The following PCDH11X variants were observed in gnomAD, a reference collection of about 807,000 sequenced individuals.
The protein encoded by PCDH11X is protocadherin 11 X-linked.
Under a neutral mutation model 53.3 loss-of-function variants are expected in PCDH11X, and 18 were observed. The ratio of observed to expected loss-of-function variants is 0.34; its 90% CI spans 0.23 to 0.50. The LOEUF (loss-of-function observed/expected upper bound fraction) is 0.50. Ranked by LOEUF, PCDH11X falls within the 20% of genes least tolerant of loss-of-function variation. The pLI, the probability that PCDH11X is intolerant of heterozygous loss-of-function variation, is 0.98. For missense variants in PCDH11X, 570 were observed against 1,032.4 expected, an observed-to-expected ratio of 0.55 and a Z score of 6.14; for synonymous variants, 279 against 393.3, an observed-to-expected ratio of 0.71 and a Z score of 3.44.
chrX:92,209,282 C>T (rs2066537033), intron 7 of PCDH11X, among the ~76,000 whole-genome samples: 1 of 111,701 alleles, frequency 9.0e-6, no homozygotes, highest in Non-Finnish European at 1.9e-5. Flanking sequence ...AGGCAAGTCC[C>T]TTCTGACTAT....
chrX:91,942,885 G>A (rs753710646), intron 6 of PCDH11X, among the ~76,000 whole-genome samples: 60 of 108,964 alleles, frequency 5.5e-4, no homozygotes, highest in African/African-American at 1.7e-3. Context: ...TAGGATGCAA[G>A]GATGGTTTAG....
chrX:92,601,516 ATT>A (rs1197351802), intron 10 of PCDH11X, among the ~76,000 whole-genome samples: 2 of 101,892 alleles, frequency 2.0e-5, no homozygotes, highest in African/African-American at 3.8e-5. Context: ...AAAAAAAAAA[ATT>A]AAACATAAAA....
chrX:92,030,843 A>T (rs2525328), intron 6 of PCDH11X, among the ~76,000 whole-genome samples: 30,001 of 100,567 alleles, frequency 0.3, 6,363 homozygotes, highest in African/African-American at 0.61. Context: ...TATGATTGAA[A>T]ATCATTGTGT....
intron 6 of PCDH11X, among the ~76,000 whole-genome samples, chrX:92,109,461 G>A (rs980635778): frequency 9.0e-6 from 1 of 111,031 alleles, no homozygotes; most frequent in African/African-American, 3.3e-5. Flanking sequence ...AATCATAGAG[G>A]GGTCGAAGTG....
At chrX:92,286,225 A>T (rs2068368169) in intron 8 of PCDH11X, among the ~76,000 whole-genome samples, 1 of 107,396 alleles carries the variant, frequency 9.3e-6, no homozygotes, top group African/African-American at 3.4e-5. Context: ...TAAAGCCATC[A>T]CAGCTTTATC....
chrX:92,357,054 T>C (rs1049400244), intron 8 of PCDH11X, among the ~76,000 whole-genome samples: 16 of 110,908 alleles, frequency 1.4e-4, no homozygotes, highest in African/African-American at 4.9e-4. Flanking sequence ...AAAATTCACG[T>C]CTATTCTCAA....
intron 6 of PCDH11X, chrX:92,114,322 A>T (rs1214432057): frequency 3.2e-5 from 32 of 988,179 alleles, no homozygotes; most frequent in Admixed American, 1.8e-4. Context: ...ATAGGCATAG[A>T]TGTCACGGAG....
At chrX:91,897,315 C>A (rs1940786076) in intron 6 of PCDH11X, among the ~76,000 whole-genome samples, 1 of 106,727 alleles carries the variant, frequency 9.4e-6, no homozygotes, top group Admixed American at 1.0e-4. Flanking sequence ...ATTCTAATGT[C>A]CTGCAGTTTG....
At chrX:91,903,923 T>C (rs1354852421) in intron 6 of PCDH11X, among the ~76,000 whole-genome samples, 1 of 109,962 alleles carries the variant, frequency 9.1e-6, no homozygotes, top group Non-Finnish European at 1.9e-5. Context: ...AAGTAGAGTA[T>C]ATTTTCTACA....
At chrX:91,981,950 C>A (rs2147928758) in intron 6 of PCDH11X, among the ~76,000 whole-genome samples, 1 of 106,647 alleles carries the variant, frequency 9.4e-6, no homozygotes, top group Non-Finnish European at 1.9e-5. Flanking sequence ...AACAGAAGTC[C>A]AATTTAGATT....
intron 4 of PCDH11X, among the ~76,000 whole-genome samples, chrX:91,817,156 G>C (rs1303884462): frequency 9.2e-6 from 1 of 109,274 alleles, no homozygotes; most frequent in African/African-American, 3.3e-5. Flanking sequence ...GTTTTATTGG[G>C]ATCATATAAT....
At chrX:92,461,303 A>G (rs1409627010) in intron 9 of PCDH11X, among the ~76,000 whole-genome samples, 1 of 108,483 alleles carries the variant, frequency 9.2e-6, no homozygotes, top group East Asian at 2.9e-4. Flanking sequence ...CCTGACTTCA[A>G]ATTATACTAC....
At chrX:92,054,840 AAAAAGAAAAG>A (rs1556004429) in intron 6 of PCDH11X, among the ~76,000 whole-genome samples, 1 of 104,823 alleles carries the variant, frequency 9.5e-6, no homozygotes, top group Non-Finnish European at 1.9e-5. Flanking sequence ...AAAAAAAAAA[AAAAAGAAAAG>A]AAAAGAAAAG....
At chrX:92,020,117 C>A (rs1273732636) in intron 6 of PCDH11X, among the ~76,000 whole-genome samples, 1 of 112,566 alleles carries the variant, frequency 8.9e-6, no homozygotes, top group Admixed American at 9.4e-5. Flanking sequence ...AGGCCCCAAC[C>A]ACGGAGCTGC....
intron 10 of PCDH11X, among the ~76,000 whole-genome samples, chrX:92,553,585 CT>C (rs991452419): frequency 1.7e-4 from 18 of 108,998 alleles, no homozygotes; most frequent in Admixed American, 4.9e-4. Flanking sequence ...CTATTCTAAT[CT>C]TTTTTTTCTT....
intron 6 of PCDH11X, among the ~76,000 whole-genome samples, chrX:92,033,372 C>CT (rs762430244): frequency 0.17 from 15,157 of 90,020 alleles, 1,409 homozygotes; most frequent in Admixed American, 0.28. Flanking sequence ...GGTCCCAGGC[C>CT]TTTTTTTTTT....
chrX:92,135,252 A>G (rs2065064079), intron 6 of PCDH11X, among the ~76,000 whole-genome samples: 1 of 111,381 alleles, frequency 9.0e-6, no homozygotes, highest in African/African-American at 3.3e-5. Context: ...AGAGTTTTTT[A>G]TCCTACCTTC....
At chrX:92,083,057 G>A (rs1249420846) in intron 6 of PCDH11X, among the ~76,000 whole-genome samples, 1 of 111,195 alleles carries the variant, frequency 9.0e-6, no homozygotes, top group East Asian at 2.8e-4. Flanking sequence ...CAGACCCCTA[G>A]TTATGGTTGA....
At chrX:92,089,295 T>C (rs1331088300) in intron 6 of PCDH11X, among the ~76,000 whole-genome samples, 3 of 111,721 alleles carry the variant, frequency 2.7e-5, no homozygotes, top group African/African-American at 9.7e-5. Context: ...AATCTAAATA[T>C]AACAATTTGA....
Sources: allele counts gnomAD v4.1 joint callset (sites outside exome capture counted in the v4.1 genomes callset), GRCh38; gene constraint gnomAD v4.1.1; transcripts MANE v1.5; gene names NCBI Gene and HGNC (gene_info 2026-07-23, HGNC 2026-07-21).